SERPINI1: variants seen among roughly 807,000 people sequenced by gnomAD.
SERPINI1 encodes serpin family I member 1, also known as neuroserpin.
A neutral mutation model predicts 41.1 loss-of-function variants in SERPINI1; 19 were observed. That is an observed-to-expected ratio of 0.46 (90% confidence interval 0.32 to 0.68). The LOEUF (loss-of-function observed/expected upper bound fraction) is 0.68, where lower values mean the gene tolerates loss of function less well. SERPINI1 is among the 30% of genes least tolerant of loss of function. The pLI is 0.03. For missense variants in SERPINI1, 460 were observed against 479.2 expected (o/e 0.96, Z 0.37); for synonymous variants, 138 against 156.6 (o/e 0.88, Z 0.89).
At chr3:167,752,660 T>C (rs937847348) in intron 1 of SERPINI1, among the ~76,000 whole-genome samples, 1 of 151,982 alleles carries the variant, frequency 6.6e-6, no homozygotes, top group African/African-American at 2.4e-5. Context: ...CTTTATAAAT[T>C]ATACTGTGTT....
chr3:167,760,416 G>A (rs1726339258), intron 1 of SERPINI1, among the ~76,000 whole-genome samples: 1 of 151,738 alleles, frequency 6.6e-6, no homozygotes, highest in Non-Finnish European at 1.5e-5. Context: ...TCTGGCACCA[G>A]GGCAGCAGCA....
intron 1 of SERPINI1, among the ~76,000 whole-genome samples, chr3:167,754,545 A>G (rs1726139794): frequency 6.6e-6 from 1 of 152,226 alleles, no homozygotes. Context: ...AAAGAATAAC[A>G]TTAATGTTTA....
chr3:167,822,905 T>C (rs968956181), intron 6 of SERPINI1, 81 bp from the exon 7 acceptor site: 31 of 784,344 alleles, frequency 4.0e-5, no homozygotes, highest in Non-Finnish European at 3.9e-5. Context: ...CTCTTAGATC[T>C]CTAAAATCCA....
At position 167,781,406 on chromosome 3, in the gene SERPINI1, T is replaced by C. The variant is rs1232555960; in HGVS notation, c.-18-7705T>C. Reference sequence around the variant, plus strand: ...GTTGAAATATTCATTTTTTATGTGATTGATGTAGTCATTCTTTTGTATGAT... The same window carrying C: ...GTTGAAATATTCATTTTTTATGTGACTGATGTAGTCATTCTTTTGTATGAT... On this transcript the variant is annotated intron_variant, in intron 1 of 8. Coordinates refer to ENST00000446050, the MANE Select transcript of SERPINI1 (RefSeq NM_001122752.2). Among the ~76,000 whole-genome samples the C allele has an allele frequency of 5.3e-5, 8 of 152,234 alleles. No individual in the cohort carries two copies. The East Asian group carries it at 7.7e-4, about 15-fold the overall frequency.
intron 6 of SERPINI1, among the ~76,000 whole-genome samples, chr3:167,811,289 G>A (rs1711867496): frequency 6.6e-6 from 1 of 151,440 alleles, no homozygotes; most frequent in Middle Eastern, 3.4e-3. Context: ...CAATGCCCAG[G>A]AGAGCTCCTC....
At chr3:167,796,299 A>G (rs1230134771) in intron 5 of SERPINI1, among the ~76,000 whole-genome samples, 3 of 151,684 alleles carry the variant, frequency 2.0e-5, no homozygotes, top group Admixed American at 6.6e-5. Flanking sequence ...ATGTCATGTT[A>G]TATATTCATA....
intron 1 of SERPINI1, among the ~76,000 whole-genome samples, chr3:167,741,891 A>C (rs1725687277): frequency 6.6e-6 from 1 of 151,982 alleles, no homozygotes. Flanking sequence ...TCATAGAATA[A>C]TTTTTGGCTT....
chr3:167,763,239 T>G (rs929725129), intron 1 of SERPINI1, among the ~76,000 whole-genome samples: 2 of 152,112 alleles, frequency 1.3e-5, no homozygotes, highest in Non-Finnish European at 2.9e-5. Context: ...AAAAAAAAGA[T>G]AAAAATCACA....
intron 6 of SERPINI1, among the ~76,000 whole-genome samples, chr3:167,815,103 G>A (rs1175988578): frequency 6.6e-6 from 1 of 152,152 alleles, no homozygotes; most frequent in Non-Finnish European, 1.5e-5. Flanking sequence ...CAGTGTGCAA[G>A]GTGTTGTGCA....
intron 1 of SERPINI1, among the ~76,000 whole-genome samples, chr3:167,740,720 G>A (rs945896033): frequency 6.6e-6 from 1 of 152,206 alleles, no homozygotes; most frequent in African/African-American, 2.4e-5. Flanking sequence ...GCGCGCTTGT[G>A]TGCGTGTGTG....
chr3:167,824,464 G>T lies in SERPINI1; in HGVS notation c.1067-9G>T. 1.2e-6 allele frequency: 2 copies of T among 1,605,806 alleles called. No individual in the cohort carries two copies. The highest frequency in any genetic ancestry group is 1.1e-5 in the South Asian group (1 of 90,892). Reference sequence around the variant, plus strand: ...ACAGACATATAATTACTTTTTATCTGCACTGTAGGAATGATTGCAATTAGT... The same window carrying T: ...ACAGACATATAATTACTTTTTATCTTCACTGTAGGAATGATTGCAATTAGT... On this transcript the variant is annotated splice_polypyrimidine_tract_variant and intron_variant, in intron 7 of 8. Transcript: ENST00000446050.
intron 1 of SERPINI1, among the ~76,000 whole-genome samples, chr3:167,759,724 C>T (rs1476864116): frequency 6.6e-6 from 1 of 151,990 alleles, no homozygotes; most frequent in East Asian, 1.9e-4. Context: ...AACTCAGCAT[C>T]ACACAATATG....
intron 6 of SERPINI1, among the ~76,000 whole-genome samples, chr3:167,820,017 T>C (rs1027028456): frequency 3.9e-5 from 6 of 152,222 alleles, no homozygotes; most frequent in African/African-American, 1.4e-4. Context: ...TATGGTTTGC[T>C]AGGGCTGCTG....
chr3:167,764,079 A>G lies in SERPINI1; in HGVS notation c.-18-25032A>G, dbSNP rs114720599. ...TATCTTTATTGCAAAAAACACTTAA[A>G]TAATTTTTAAATTGCATCAATTATA... is the stretch of plus-strand genomic sequence containing the variant. On this transcript the variant is annotated intron_variant, in intron 1 of 8. Transcript: ENST00000446050. Among the ~76,000 whole-genome samples the G allele has an allele frequency of 5.8e-3, 885 of 152,268 alleles. 9 individuals carry two copies. The highest frequency in any genetic ancestry group is 0.02 in the African/African-American group (851 of 41,546).
chr3:167,748,901 G>A (rs1042389088), intron 1 of SERPINI1, among the ~76,000 whole-genome samples: 3 of 151,916 alleles, frequency 2.0e-5, no homozygotes, highest in Admixed American at 6.6e-5. Context: ...GTAGGCATTT[G>A]GGTTTGTTAC....
chr3:167,768,358 C>T (rs2108543894), intron 1 of SERPINI1, among the ~76,000 whole-genome samples: 1 of 152,278 alleles, frequency 6.6e-6, no homozygotes, highest in South Asian at 2.1e-4. Flanking sequence ...TAATGGATTA[C>T]AGTAGAGTGT....
At chr3:167,792,362 CACACAT>C (rs1560009790) in intron 3 of SERPINI1, among the ~76,000 whole-genome samples, 6 of 114,652 alleles carry the variant, frequency 5.2e-5, no homozygotes, top group African/African-American at 8.2e-5. Flanking sequence ...TATATATATA[CACACAT>C]ATATATATAT....
chr3:167,761,448 T>C (rs2108540297), intron 1 of SERPINI1, among the ~76,000 whole-genome samples: 1 of 152,338 alleles, frequency 6.6e-6, no homozygotes, highest in South Asian at 2.1e-4. Flanking sequence ...TTGATTGATG[T>C]GGTGGGGTGG....
chr3:167,786,440 G>A (rs1324388029), intron 1 of SERPINI1, among the ~76,000 whole-genome samples: 3 of 149,224 alleles, frequency 2.0e-5, no homozygotes, highest in Non-Finnish European at 4.4e-5. Flanking sequence ...CCCGGGAGGC[G>A]GAGGTTGCAG....
Sources: gnomAD v4.1 joint callset for allele counts (sites outside exome capture counted in the v4.1 genomes callset) on GRCh38, gnomAD v4.1.1 for gene constraint, MANE v1.5 for transcripts, NCBI Gene and HGNC (gene_info 2026-07-23, HGNC 2026-07-21) for gene names.